GTF2IRD2B: variants seen among roughly 807,000 people sequenced by gnomAD.
The protein encoded by GTF2IRD2B is GTF2I repeat domain containing 2B, also known as general transcription factor II-I repeat domain-containing protein 2B.
Under a neutral mutation model 55.6 loss-of-function variants are expected in GTF2IRD2B, and 10 were observed. The ratio of observed to expected loss-of-function variants is 0.18; its 90% confidence interval spans 0.11 to 0.31. The LOEUF is 0.31. Among genes scored for constraint, GTF2IRD2B ranks in the 10% least tolerant of loss-of-function variants. The pLI, the probability that GTF2IRD2B is intolerant of heterozygous loss-of-function variation, is 1.00. For missense variants in GTF2IRD2B, 206 were observed against 802.7 expected (o/e 0.26, Z 8.98); for synonymous variants, 107 against 320.5 (o/e 0.33, Z 7.12).
chr7:75,104,025 G>T (rs1455413357), intron 1 of GTF2IRD2B, among the ~76,000 whole-genome samples: 2 of 151,104 alleles, frequency 1.3e-5, no homozygotes, highest in Admixed American at 6.6e-5. Flanking sequence ...ATGCACTCCA[G>T]TCTGGGCGAC....
At chr7:75,112,877 G>A (rs1808018743) in intron 3 of GTF2IRD2B, among the ~76,000 whole-genome samples, 1 of 63,196 alleles carries the variant, frequency 1.6e-5, no homozygotes, top group Non-Finnish European at 2.9e-5. Flanking sequence ...AGAGCTTGTT[G>A]TGTATTACTG....
intron 3 of GTF2IRD2B, among the ~76,000 whole-genome samples, chr7:75,117,720 G>A (rs1319632213): frequency 6.6e-6 from 1 of 152,290 alleles, no homozygotes; most frequent in Non-Finnish European, 1.5e-5. Context: ...GCAAGACCCT[G>A]TCTCTACAAA....
chr7:75,123,814 C>G, intron 6 of GTF2IRD2B: 1 of 406,406 alleles, frequency 2.5e-6, no homozygotes. Flanking sequence ...GGAGGTGGAG[C>G]TTGCAGTGAG....
intron 1 of GTF2IRD2B, among the ~76,000 whole-genome samples, chr7:75,105,430 G>A (rs1418396323): frequency 9.2e-5 from 14 of 152,300 alleles, no homozygotes; most frequent in Non-Finnish European, 2.1e-4. Flanking sequence ...CTCGAACCCA[G>A]GAGGCAGAGT....
chr7:75,134,260 C>A (rs1199218931), intron 9 of GTF2IRD2B, among the ~76,000 whole-genome samples: 1 of 131,218 alleles, frequency 7.6e-6, no homozygotes, highest in Non-Finnish European at 1.5e-5. Flanking sequence ...TGGTGGCACA[C>A]ACCTGTAGCC....
intron 1 of GTF2IRD2B, among the ~76,000 whole-genome samples, chr7:75,106,948 TAA>T (rs782461164): frequency 2.2e-5 from 3 of 137,278 alleles, no homozygotes; most frequent in African/African-American, 5.4e-5. Flanking sequence ...AACAAAAAGC[TAA>T]AAAAAAAAAA....
chr7:75,121,274 A>G (rs1289628456), intron 4 of GTF2IRD2B, among the ~76,000 whole-genome samples: 1 of 150,848 alleles, frequency 6.6e-6, no homozygotes, highest in African/African-American at 2.4e-5. Flanking sequence ...TCACCTTGTG[A>G]TCCGCCTGCC....
Position 75,115,424 on chromosome 7 carries a change from T to A in GTF2IRD2B, c.238+2889T>A, listed in dbSNP as rs868975345. ...CCCTTGGTGTTCCATATGAATTTTTTTTTATTTTTTTTTTTTTGAGACAGA... is the reference window on the plus strand; with the variant it reads ...CCCTTGGTGTTCCATATGAATTTTTATTTATTTTTTTTTTTTTGAGACAGA... On this transcript the variant is annotated intron_variant, in intron 3 of 15. Transcript: ENST00000472837. Among the ~76,000 whole-genome samples, 188 of 150,172 alleles carry A rather than the reference T, an allele frequency of 1.3e-3. 1 individual carries two copies. Among genetic ancestry groups the A allele is most frequent in the Middle Eastern group, 6.8e-3 (2 of 294 alleles).
intron 1 of GTF2IRD2B, among the ~76,000 whole-genome samples, chr7:75,105,223 A>T (rs1215243868): frequency 6.6e-6 from 1 of 152,178 alleles, no homozygotes; most frequent in Non-Finnish European, 1.5e-5. Context: ...AAAACAACAG[A>T]CCAGGCATGG....
chr7:75,135,215 C>T (rs1235489743), intron 10 of GTF2IRD2B, among the ~76,000 whole-genome samples, 158 bp downstream of exon 10: 1 of 148,602 alleles, frequency 6.7e-6, no homozygotes, highest in African/African-American at 2.6e-5. Context: ...CTCACTACAA[C>T]CTCTGCCTCC....
Position 75,126,719 on chromosome 7 carries a change from G to T in GTF2IRD2B, c.670+334G>T, listed in dbSNP as rs1335758127. 4.2e-5 allele frequency among the ~76,000 whole-genome samples: 6 copies of T among 144,250 alleles called. 2 individuals carry two copies. Among genetic ancestry groups the T allele is most frequent in the African/African-American group, 1.0e-4 (4 of 39,396 alleles). 94.6% of individuals were successfully genotyped at this position (144,250 alleles called of 152,430 possible). A position where few individuals can be genotyped will look rare whatever the true frequency, so the allele number is the denominator to read the frequency against. ...CTGTCTCAAAAAAACAAACAAGGCT[G>T]CGCACGGTGGATCACGCCTGTAATC... On this transcript the variant is annotated intron_variant, in intron 8 of 15. Transcript: ENST00000472837.
intron 3 of GTF2IRD2B, 47 bp downstream of exon 3, chr7:75,112,582 C>A (rs1243238133): frequency 8.1e-6 from 7 of 865,466 alleles, no homozygotes; most frequent in African/African-American, 2.0e-5. Context: ...TCAAAAGGAT[C>A]GCAGGCAAGA....
chr7:75,099,831 G>A (rs1487859422), intron 1 of GTF2IRD2B, among the ~76,000 whole-genome samples: 2 of 135,860 alleles, frequency 1.5e-5, no homozygotes, highest in African/African-American at 2.8e-5. Context: ...AAGAATTTTC[G>A]GCCAGGCGTG....
intron 3 of GTF2IRD2B, among the ~76,000 whole-genome samples, chr7:75,117,857 C>T (rs1363421748): frequency 1.4e-4 from 22 of 152,336 alleles, no homozygotes; most frequent in Admixed American, 6.5e-4. Flanking sequence ...CTGAGGCTGG[C>T]GGATCACCTG....
chr7:75,093,043 G>A (rs1296646216), intron 1 of GTF2IRD2B, among the ~76,000 whole-genome samples: 1 of 152,310 alleles, frequency 6.6e-6, no homozygotes, highest in African/African-American at 2.4e-5. Flanking sequence ...CTGATTGGCC[G>A]AGCGGGGGTG....
chr7:75,130,183 CTCCT>C (rs1222462054), intron 8 of GTF2IRD2B, among the ~76,000 whole-genome samples: 8 of 65,020 alleles, frequency 1.2e-4, no homozygotes, highest in South Asian at 5.1e-4. Flanking sequence ...CTTTCTTTCT[CTCCT>C]TCCTTCCTTC....
At chr7:75,130,732 C>G (rs1808647879) in intron 8 of GTF2IRD2B, among the ~76,000 whole-genome samples, 2 of 134,936 alleles carry the variant, frequency 1.5e-5, no homozygotes, top group Non-Finnish European at 3.1e-5. Context: ...CCTACCTTAG[C>G]CTCCCAAAGT....
In GTF2IRD2B at chr7:75,149,210, GT is replaced by G; in HGVS notation, c.2765del (p.Phe922SerfsTer4). 1.4e-6 allele frequency: 1 copy of G among 702,036 alleles called. No homozygotes were observed. Among genetic ancestry groups the G allele is most frequent in the Non-Finnish European group, 2.6e-6 (1 of 381,712 alleles). The allele number at this position is 702,036 out of a possible 1,614,324, so 43.5% of individuals were successfully genotyped here. On this transcript the variant is annotated frameshift_variant, in exon 16 of 16. Transcript: ENST00000472837. LOFTEE classifies it high-confidence loss of function. ...GGAGCACCTACATCTGCGAACAGCT[GT>G]TCTCCATTATGAAACTGAGCAAAAC... The part of the protein sequence containing the change: ...FGSTYICEQL[F>X]SIMKLSKTKY...
At position 75,147,865 on chromosome 7, in the gene GTF2IRD2B, A is replaced by G; in HGVS notation, c.1418A>G (p.His473Arg). The G allele has an allele frequency of 7.5e-7, 1 of 1,333,716 alleles. No individual in the cohort carries two copies. The highest frequency in any genetic ancestry group is 1.8e-4 in the Middle Eastern group (1 of 5,486). The allele number at this position is 1,333,716 out of a possible 1,614,324, so 82.6% of individuals were successfully genotyped here. ...RRHYQTNHSK[H>R]YDQYTERMRD... ...CACTATCAAACCAATCACAGCAAGCATTATGACCAGTATACGGAAAGAATG... is the reference window on the plus strand; with the variant it reads ...CACTATCAAACCAATCACAGCAAGCGTTATGACCAGTATACGGAAAGAATG... Residue 473 changes from histidine (H) to arginine (R), a missense_variant, in exon 16 of 16, where the codon CAT (histidine) becomes CGT (arginine). Physicochemically the swap from His to Arg is conservative, Grantham distance 29 (BLOSUM62 0). Coordinates refer to ENST00000472837, the MANE Select transcript of GTF2IRD2B (RefSeq NM_001003795.3).
Sources: allele counts gnomAD v4.1 joint callset (sites outside exome capture counted in the v4.1 genomes callset), GRCh38; gene constraint gnomAD v4.1.1; transcripts MANE v1.5; gene names NCBI Gene and HGNC (gene_info 2026-07-23, HGNC 2026-07-21).